SGO2: variants seen among roughly 807,000 people sequenced by gnomAD.
The protein encoded by SGO2 is shugoshin-like 2.
In SGO2, 68 loss-of-function variants were observed where a neutral mutation model predicts 99.5. The ratio of observed to expected loss-of-function variants is 0.68; its 90% CI spans 0.56 to 0.84. The LOEUF is 0.84. Among genes scored for constraint, SGO2 ranks in the 40% least tolerant of loss-of-function variants. SGO2 has a pLI of 0.00. For missense variants in SGO2, 1,350 were observed against 1,436.7 expected, an observed-to-expected ratio of 0.94 and a Z score of 0.97; for synonymous variants, 457 against 487.1, an observed-to-expected ratio of 0.94 and a Z score of 0.81.
intron 8 of SGO2, among the ~76,000 whole-genome samples, chr2:200,579,744 T>A (rs947270086): frequency 3.3e-5 from 5 of 152,188 alleles, no homozygotes; most frequent in African/African-American, 1.2e-4. Context: ...TAATGTGATG[T>A]TGAATTGAGT....
intron 5 of SGO2, chr2:200,542,915 A>C (rs2032031250): frequency 3.7e-6 from 1 of 267,302 alleles, no homozygotes; most frequent in African/African-American, 2.2e-5. Context: ...CTTTTCATCT[A>C]GTTCACTCCT....
chr2:200,550,741 A>C (rs1347141158), intron 5 of SGO2, among the ~76,000 whole-genome samples: 2 of 152,182 alleles, frequency 1.3e-5, no homozygotes, highest in Non-Finnish European at 2.9e-5. Context: ...TATTAGAAGA[A>C]AACATTGGGG....
intron 7 of SGO2, among the ~76,000 whole-genome samples, chr2:200,574,532 G>C (rs1050066089): frequency 2.0e-5 from 3 of 152,076 alleles, no homozygotes; most frequent in Non-Finnish European, 2.9e-5. Flanking sequence ...TATGCTAAGG[G>C]ATATAATGGG....
intron 5 of SGO2, among the ~76,000 whole-genome samples, chr2:200,558,411 TTAA>T (rs906160797): frequency 6.6e-6 from 1 of 152,106 alleles, no homozygotes; most frequent in Admixed American, 6.5e-5. Context: ...CTTTTTTCTA[TTAA>T]TGTTATGAAT....
At position 200,569,837 on chromosome 2, in the gene SGO2, A is replaced by G. The variant is rs1045761394; in HGVS notation, c.648A>G (p.Val216=). 4.6e-5 allele frequency: 74 copies of G among 1,605,292 alleles called. No homozygotes were observed. Among genetic ancestry groups the G allele is most frequent in the Non-Finnish European group, 6.0e-5 (70 of 1,172,286 alleles). ...VLFLKENNQN[V]YGLDDSEHIS... is the part of the protein sequence containing the mutation. ...TTCTTAAAGAAAATAATCAAAATGTATATGGTTTAGATGATTCAGAACATA... is the reference window on the plus strand; with the variant it reads ...TTCTTAAAGAAAATAATCAAAATGTGTATGGTTTAGATGATTCAGAACATA... The change falls in exon 6 of 9, where the codon GTA becomes GTG. Residue 216 remains valine (V), a synonymous_variant. Transcript: ENST00000357799.
intron 4 of SGO2, among the ~76,000 whole-genome samples, chr2:200,538,165 A>G (rs562476463): frequency 9.2e-5 from 14 of 152,270 alleles, no homozygotes; most frequent in African/African-American, 3.1e-4. Context: ...CTCTGCTTCA[A>G]ACTCTCCAGT....
intron 5 of SGO2, among the ~76,000 whole-genome samples, chr2:200,567,038 A>G (rs1424838343): frequency 6.6e-6 from 1 of 152,176 alleles, no homozygotes; most frequent in Admixed American, 6.5e-5. Flanking sequence ...GATGCCTTGC[A>G]GTGCTTCAGT....
chr2:200,553,446 A>G (rs186851642), intron 5 of SGO2, among the ~76,000 whole-genome samples: 7 of 152,282 alleles, frequency 4.6e-5, no homozygotes, highest in African/African-American at 1.7e-4. Flanking sequence ...GCCAGAGACC[A>G]CTGATGGGTT....
intron 4 of SGO2, among the ~76,000 whole-genome samples, chr2:200,541,531 G>A (rs190931695): frequency 6.6e-6 from 1 of 152,152 alleles, no homozygotes; most frequent in Non-Finnish European, 1.5e-5. Context: ...GGCTCTGCAT[G>A]GCCTGCTGTA....
intron 5 of SGO2, among the ~76,000 whole-genome samples, chr2:200,559,012 A>G (rs1559209518): frequency 6.6e-6 from 1 of 152,162 alleles, no homozygotes; most frequent in Non-Finnish European, 1.5e-5. Context: ...CATGTTGGCC[A>G]GGTTGGTCTC....
chr2:200,579,343 T>C (rs2033764228), intron 8 of SGO2, among the ~76,000 whole-genome samples: 1 of 152,222 alleles, frequency 6.6e-6, no homozygotes, highest in Admixed American at 6.5e-5. Context: ...CCTGTTTGTA[T>C]GCCTCTTACT....
intron 8 of SGO2, chr2:200,576,214 G>C: frequency 5.0e-6 from 1 of 200,640 alleles, no homozygotes; most frequent in South Asian, 4.9e-5. Flanking sequence ...GGACCAAGGG[G>C]CCTTTTTTTT....
At position 200,572,948 on chromosome 2, in the gene SGO2, C is replaced by G; in HGVS notation, c.2602C>G (p.Leu868Val). The change falls in exon 7 of 9, where the codon CTC (leucine) becomes GTC (valine). Residue 868 changes from leucine to valine, a missense_variant. Leu to Val is a conservative substitution (Grantham distance 32). Coordinates refer to ENST00000357799, the MANE Select transcript of SGO2 (RefSeq NM_152524.6). ...AAATGAATTTCAAACAGTTGATCTTCTCATCAAAGATAATGGAAATTTATG... is the reference window on the plus strand; with the variant it reads ...AAATGAATTTCAAACAGTTGATCTTGTCATCAAAGATAATGGAAATTTATG... ...VTNEFQTVDL[L>V]IKDNGNLCDY... The G allele has an allele frequency of 6.3e-7, 1 of 1,597,318 alleles. No individual in the cohort carries two copies. Among genetic ancestry groups the G allele is most frequent in the Non-Finnish European group, 8.5e-7 (1 of 1,174,526 alleles).
chr2:200,532,294 T>G (rs74437355), intron 1 of SGO2: 17 of 514,852 alleles, frequency 3.3e-5, no homozygotes, highest in African/African-American at 1.5e-4. Context: ...GTTTTTTTTT[T>G]TTTTTCAGAT....
At chr2:200,537,532 T>C (rs2031749150) in intron 4 of SGO2, among the ~76,000 whole-genome samples, 1 of 152,096 alleles carries the variant, frequency 6.6e-6, no homozygotes, top group African/African-American at 2.4e-5. Context: ...TTCACATGAC[T>C]TTTAGAATAC....
chr2:200,562,481 C>T (rs1269672480), intron 5 of SGO2, among the ~76,000 whole-genome samples: 4 of 152,174 alleles, frequency 2.6e-5, no homozygotes, highest in Admixed American at 1.3e-4. Context: ...TGTTTGAAGT[C>T]AGGTAGCGTG....
intron 4 of SGO2, among the ~76,000 whole-genome samples, chr2:200,541,013 CATCCCAT>C (rs2031935880): frequency 7.8e-6 from 1 of 128,524 alleles, no homozygotes; most frequent in East Asian, 2.1e-4. Flanking sequence ...TGGCATGTGT[CATCCCAT>C]GATAGAAGGT....
In SGO2 at chr2:200,535,079, C is replaced by T. The variant is rs776375722; in HGVS notation, c.217C>T (p.Arg73Ter). Residue 73 changes from arginine (R) to a stop codon, truncating the protein, a stop_gained, in exon 3 of 9, where the codon CGA becomes TGA. Coordinates refer to ENST00000357799, the MANE Select transcript of SGO2 (RefSeq NM_152524.6). LOFTEE classifies it high-confidence loss of function. ...TCTTAGTAGAGAAAAAGAGAATTCT[C>T]GAAGAATTACAACTGAAAAGATGCT... is the stretch of plus-strand genomic sequence containing the variant. ...QALSREKENS[R>*]RITTEKMLLQ... The T allele has an allele frequency of 6.4e-6, 10 of 1,561,760 alleles. No homozygotes were observed. The highest frequency in any genetic ancestry group is 2.4e-5 in the East Asian group (1 of 41,454).
At position 200,570,987 on chromosome 2, in the gene SGO2, TG is replaced by T. The variant is rs2033390979; in HGVS notation, c.704-62del. The T allele has an allele frequency of 7.0e-7, 1 of 1,424,608 alleles. No homozygotes were observed. The highest frequency in any genetic ancestry group is 1.4e-5 in the African/African-American group (1 of 69,514). 88.2% of individuals were successfully genotyped at this position (1,424,608 alleles called of 1,614,324 possible). On this transcript the variant is annotated intron_variant, in intron 6 of 8. Transcript: ENST00000357799. The surrounding 1 kb of genome is among the most constrained non-coding windows in gnomAD (Gnocchi z 4.4). The stretch of plus-strand genomic sequence containing the variant: ...AAACAGCTTGATTTCGAATCTAATT[TG>T]TTTAAGGTAACTTATTTATTTCATT...
Sources: allele counts gnomAD v4.1 joint callset (sites outside exome capture counted in the v4.1 genomes callset), GRCh38; gene constraint gnomAD v4.1.1; non-coding constraint Gnocchi (gnomAD v3.1); transcripts MANE v1.5; gene names NCBI Gene and HGNC (gene_info 2026-07-23, HGNC 2026-07-21).